DLG1: variants seen among roughly 807,000 people sequenced by gnomAD.
The protein encoded by DLG1 is disks large homolog 1.
In DLG1, 42 loss-of-function variants were observed where a neutral mutation model predicts 123.4. The observed-to-expected ratio is 0.34, with a 90% confidence interval of 0.27 to 0.44. The LOEUF (loss-of-function observed/expected upper bound fraction) is 0.44, where lower values mean the gene tolerates loss of function less well. Among genes scored for constraint, DLG1 ranks in the 20% least tolerant of loss-of-function variants. The probability of loss-of-function intolerance (pLI) is 1.00; values close to 1 mark genes in which losing one functional copy is unlikely to be tolerated. For synonymous variants in DLG1, 317 were observed against 356.2 expected (o/e 0.89, Z 1.24); for missense variants, 942 against 1,082.6 (o/e 0.87, Z 1.82).
At chr3:197,187,954 T>C (rs1717066402) in intron 5 of DLG1, among the ~76,000 whole-genome samples, 1 of 152,160 alleles carries the variant, frequency 6.6e-6, no homozygotes, top group South Asian at 2.1e-4. Context: ...TAATTATCTT[T>C]ATGCCAAGCC....
intron 17 of DLG1, among the ~76,000 whole-genome samples, chr3:197,077,850 TA>T (rs764073726): frequency 6.6e-6 from 1 of 152,210 alleles, no homozygotes; most frequent in Non-Finnish European, 1.5e-5. Flanking sequence ...TAAGAATTAT[TA>T]TTTTTTGGAG....
intron 22 of DLG1, among the ~76,000 whole-genome samples, chr3:197,062,488 GTTA>G (rs1343496159): frequency 1.2e-4 from 18 of 152,246 alleles, no homozygotes; most frequent in Admixed American, 9.1e-4. Context: ...ATTATAATAT[GTTA>G]TTATCATTTA....
intron 5 of DLG1, among the ~76,000 whole-genome samples, chr3:197,192,150 C>T (rs1190165623): frequency 2.6e-5 from 4 of 152,034 alleles, no homozygotes; most frequent in Non-Finnish European, 5.9e-5. Flanking sequence ...CCAGCCTGGG[C>T]AACAGAGCAA....
intron 4 of DLG1, among the ~76,000 whole-genome samples, chr3:197,264,729 G>A (rs925526891): frequency 3.3e-5 from 5 of 152,114 alleles, no homozygotes; most frequent in East Asian, 1.9e-4. Context: ...GCCTAGCCAC[G>A]TTCCAGATTT....
chr3:197,161,591 A>G, intron 5 of DLG1: 1 of 1,157,228 alleles, frequency 8.6e-7, no homozygotes, highest in South Asian at 1.8e-5. Context: ...CAAATGAAAC[A>G]TTAAAAGCAA....
At chr3:197,288,743 A>ACATAC (rs1553827363) in intron 3 of DLG1, among the ~76,000 whole-genome samples, 85 of 72,050 alleles carry the variant, frequency 1.2e-3, no homozygotes, top group African/African-American at 4.1e-3. Context: ...AAAAAAAAAA[A>ACATAC]ATACATACAT....
intron 4 of DLG1, among the ~76,000 whole-genome samples, chr3:197,223,873 T>A (rs535099712): frequency 6.6e-6 from 1 of 152,196 alleles, no homozygotes; most frequent in Admixed American, 6.5e-5. Context: ...TTTGCATCTA[T>A]CAAAATACAC....
At chr3:197,085,136 A>T (rs542915053) in intron 16 of DLG1, among the ~76,000 whole-genome samples, 168 of 151,204 alleles carry the variant, frequency 1.1e-3, no homozygotes, top group African/African-American at 3.9e-3. Context: ...ATATATATAT[A>T]TTATATATAT....
intron 24 of DLG1, among the ~76,000 whole-genome samples, 157 bp downstream of exon 24, chr3:197,051,420 C>A (rs778138971): frequency 2.0e-5 from 3 of 151,692 alleles, no homozygotes; most frequent in Non-Finnish European, 2.9e-5. Flanking sequence ...AACTCCGTCT[C>A]AAAAAAAAGG....
chr3:197,066,543 G>A (rs762074268), intron 20 of DLG1, among the ~76,000 whole-genome samples, 161 bp downstream of exon 20: 3 of 152,076 alleles, frequency 2.0e-5, no homozygotes, highest in Non-Finnish European at 4.4e-5. Context: ...ATTCTGTGGA[G>A]TAAACTATGT....
upstream of DLG1, chr3:197,298,638 T>C (rs1778608082): frequency 2.5e-6 from 1 of 398,164 alleles, no homozygotes; most frequent in Admixed American, 4.4e-5. Context: ...AAAAGCCGCC[T>C]TAAGGAGGAG....
At chr3:197,295,707 T>C (rs1777093359) in intron 3 of DLG1, among the ~76,000 whole-genome samples, 1 of 152,232 alleles carries the variant, frequency 6.6e-6, no homozygotes, top group South Asian at 2.1e-4. Flanking sequence ...CTACAGCTAA[T>C]ATGGTGGCAT....
At chr3:197,224,025 T>C (rs1738493997) in intron 4 of DLG1, among the ~76,000 whole-genome samples, 1 of 152,210 alleles carries the variant, frequency 6.6e-6, no homozygotes, top group African/African-American at 2.4e-5. Flanking sequence ...AGCCCCAAAA[T>C]AACCCACTTC....
intron 13 of DLG1, among the ~76,000 whole-genome samples, chr3:197,110,525 T>C (rs571499244): frequency 8.5e-5 from 13 of 152,150 alleles, no homozygotes; most frequent in African/African-American, 3.1e-4. Context: ...TATCCATTGA[T>C]TGCGTTTTTC....
intron 3 of DLG1, among the ~76,000 whole-genome samples, chr3:197,294,937 G>A (rs532753252): frequency 4.6e-5 from 7 of 152,066 alleles, no homozygotes; most frequent in South Asian, 4.2e-4. Flanking sequence ...ATACTGTTGC[G>A]AAAAAACATA....
intron 11 of DLG1, among the ~76,000 whole-genome samples, chr3:197,124,846 T>A (rs1453142729): frequency 1.3e-5 from 2 of 152,122 alleles, no homozygotes; most frequent in African/African-American, 2.4e-5. Context: ...CTTAAGACTG[T>A]AGGACGATCC....
intron 17 of DLG1, among the ~76,000 whole-genome samples, chr3:197,078,921 T>C (rs1351294131): frequency 1.3e-5 from 2 of 152,190 alleles, no homozygotes; most frequent in Non-Finnish European, 2.9e-5. Context: ...CTGATTCTTA[T>C]TATCTTTGCA....
chr3:197,292,483 T>C (rs972599135), intron 3 of DLG1, among the ~76,000 whole-genome samples: 2 of 152,220 alleles, frequency 1.3e-5, no homozygotes, highest in Admixed American at 6.5e-5. Context: ...GTTTATTCGG[T>C]ATAGGATTTC....
At chr3:197,278,121 C>CA (rs1436412098) in intron 4 of DLG1, among the ~76,000 whole-genome samples, 1 of 150,348 alleles carries the variant, frequency 6.7e-6, no homozygotes, top group Non-Finnish European at 1.5e-5. Flanking sequence ...CCCATCTCTA[C>CA]AAAAATACAA....
Sources: allele counts gnomAD v4.1 joint callset (sites outside exome capture counted in the v4.1 genomes callset), GRCh38; gene constraint gnomAD v4.1.1; transcripts MANE v1.5; gene names NCBI Gene and HGNC (gene_info 2026-07-23, HGNC 2026-07-21).